Variants in TMEM135 observed in about 807,000 individuals in gnomAD.
TMEM135 encodes peroxisomal membrane protein 52.
Under a neutral mutation model 60.3 loss-of-function variants are expected in TMEM135, and 30 were observed. The ratio of observed to expected loss-of-function variants is 0.50; its 90% CI spans 0.37 to 0.68. The LOEUF is 0.68. TMEM135 is among the 30% of genes least tolerant of loss of function. TMEM135 has a pLI of 0.00. For missense variants in TMEM135, 468 were observed against 548.8 expected (o/e 0.85, Z 1.47); for synonymous variants, 190 against 186.7 (o/e 1.02, Z -0.14).
intron 13 of TMEM135, 89 bp from the exon 14 acceptor site, chr11:87,319,221 C>A: frequency 8.9e-7 from 1 of 1,123,502 alleles, no homozygotes; most frequent in East Asian, 2.4e-5. Context: ...TGATAGTTAC[C>A]AACTTAAACA....
At chr11:87,267,793 AGTGATT>A (rs1941779598) in intron 6 of TMEM135, among the ~76,000 whole-genome samples, 1 of 152,076 alleles carries the variant, frequency 6.6e-6, no homozygotes, top group Non-Finnish European at 1.5e-5. Flanking sequence ...CCCGGGTTCA[AGTGATT>A]CTCCTGCCTC....
intron 4 of TMEM135, among the ~76,000 whole-genome samples, chr11:87,118,471 C>T (rs11234971): frequency 0.058 from 8,776 of 150,620 alleles, 347 homozygotes; most frequent in Middle Eastern, 0.097. Context: ...TTTTTTGAGA[C>T]GGTGTGTCAC....
chr11:87,314,409 A>G lies in TMEM135; in HGVS notation c.1001-62A>G. 1.0e-5 allele frequency: 14 copies of G among 1,385,380 alleles called. No homozygotes were observed. In the South Asian group the frequency reaches 1.7e-4, roughly 17 times the overall value. 85.8% of individuals were successfully genotyped at this position (1,385,380 alleles called of 1,614,324 possible). On this transcript the variant is annotated intron_variant, in intron 11 of 14. Coordinates refer to ENST00000305494, the MANE Select transcript of TMEM135 (RefSeq NM_022918.4). ...CTATGTAAGTGAATTAACATTTCTG[A>G]TGACATAATAACAAATAAATACTCT...
chr11:87,311,107 CTATA>C (rs10572803), intron 10 of TMEM135, among the ~76,000 whole-genome samples: 2,077 of 148,484 alleles, frequency 0.014, 57 homozygotes, highest in African/African-American at 0.049. Context: ...ATATATATGT[CTATA>C]TATATATATA....
At chr11:87,247,581 C>T (rs113795750) in intron 6 of TMEM135, among the ~76,000 whole-genome samples, 3 of 152,314 alleles carry the variant, frequency 2.0e-5, no homozygotes, top group African/African-American at 7.2e-5. Context: ...CCCCCAGCCT[C>T]GCTGCCACCT....
intron 6 of TMEM135, chr11:87,277,516 GT>G (rs1202369473): frequency 1.5e-5 from 2 of 137,146 alleles, no homozygotes; most frequent in African/African-American, 5.2e-5. Flanking sequence ...AAACAACTCT[GT>G]TTTTGTTTTT....
At chr11:87,293,404 C>G (rs74521610) in intron 6 of TMEM135, among the ~76,000 whole-genome samples, 1 of 122,810 alleles carries the variant, frequency 8.1e-6, no homozygotes, top group Non-Finnish European at 1.9e-5. Context: ...AAAAAAACAA[C>G]AAAAAACGAG....
chr11:87,062,838 A>G (rs1423706173), intron 1 of TMEM135, among the ~76,000 whole-genome samples: 1 of 152,170 alleles, frequency 6.6e-6, no homozygotes, highest in Non-Finnish European at 1.5e-5. Context: ...TAACCTCTTT[A>G]TTTAGTAAAT....
chr11:87,180,628 C>T (rs1939491583), intron 5 of TMEM135, among the ~76,000 whole-genome samples: 2 of 152,050 alleles, frequency 1.3e-5, no homozygotes, highest in South Asian at 4.1e-4. Flanking sequence ...CATTGTAGAC[C>T]ACCATCTTTG....
chr11:87,068,186 A>G (rs1220543696), intron 2 of TMEM135, among the ~76,000 whole-genome samples: 1 of 152,228 alleles, frequency 6.6e-6, no homozygotes, highest in Non-Finnish European at 1.5e-5. Context: ...ACATGCAGTG[A>G]ACAAACTTCA....
intron 4 of TMEM135, among the ~76,000 whole-genome samples, chr11:87,151,747 A>G (rs1239967341): frequency 2.0e-5 from 3 of 151,994 alleles, no homozygotes; most frequent in African/African-American, 7.2e-5. Context: ...TATCACGAGA[A>G]TGGGAAAGTG....
At chr11:87,252,737 C>G (rs541991054) in intron 6 of TMEM135, among the ~76,000 whole-genome samples, 7 of 149,648 alleles carry the variant, frequency 4.7e-5, no homozygotes, top group Non-Finnish European at 1.0e-4. Flanking sequence ...CACCATTGCA[C>G]TCCAGCCTGG....
chr11:87,167,680 C>T (rs1474911199), intron 5 of TMEM135, among the ~76,000 whole-genome samples: 1 of 152,066 alleles, frequency 6.6e-6, no homozygotes, highest in Admixed American at 6.6e-5. Context: ...GGTGGATAAG[C>T]TTTTTGATGT....
At chr11:87,218,713 G>A (rs1940554965) in intron 5 of TMEM135, among the ~76,000 whole-genome samples, 1 of 152,124 alleles carries the variant, frequency 6.6e-6, no homozygotes, top group South Asian at 2.1e-4. Flanking sequence ...TGTAATCCCA[G>A]CACTTTAGAA....
intron 4 of TMEM135, among the ~76,000 whole-genome samples, chr11:87,140,029 A>C (rs954879981): frequency 6.6e-6 from 1 of 151,886 alleles, no homozygotes. Flanking sequence ...ATATATTTGC[A>C]GATATTTTTT....
At position 87,323,730 on chromosome 11, in the gene TMEM135, A is replaced by G. The variant is rs1230826155; in HGVS notation, c.*2397A>G. ...TAATAAAATCCTAGAACTAGTAGCA[A>G]CCGAGTAAAGATTGAGTTTGCAAGA... On this transcript the variant is annotated 3_prime_UTR_variant, in exon 15 of 15. Transcript: ENST00000305494. The G allele has an allele frequency of 4.4e-6, 2 of 453,676 alleles. No individual in the cohort carries two copies. The highest frequency in any genetic ancestry group is 4.4e-6 in the Non-Finnish European group (1 of 226,718). The allele number at this position is 453,676 out of a possible 1,614,324, so 28.1% of individuals were successfully genotyped here. A position where few individuals can be genotyped will look rare whatever the true frequency, so the allele number is the denominator to read the frequency against.
chr11:87,204,414 G>A (rs767874812), intron 5 of TMEM135, among the ~76,000 whole-genome samples: 1 of 151,986 alleles, frequency 6.6e-6, no homozygotes, highest in South Asian at 2.1e-4. Context: ...CAATACAGTT[G>A]ACCTTTGAAC....
intron 4 of TMEM135, among the ~76,000 whole-genome samples, chr11:87,104,884 T>G (rs1857554262): frequency 6.6e-6 from 1 of 152,194 alleles, no homozygotes; most frequent in African/African-American, 2.4e-5. Context: ...TTTTACTTCT[T>G]TCTTTCCTAC....
intron 1 of TMEM135, among the ~76,000 whole-genome samples, chr11:87,043,397 G>A (rs2135104973): frequency 6.6e-6 from 1 of 152,072 alleles, no homozygotes; most frequent in African/African-American, 2.4e-5. Context: ...CTAAATAGGT[G>A]GTACCCCTTG....
Sources: allele counts gnomAD v4.1 joint callset (sites outside exome capture counted in the v4.1 genomes callset), GRCh38; gene constraint gnomAD v4.1.1; transcripts MANE v1.5; gene names NCBI Gene and HGNC (gene_info 2026-07-23, HGNC 2026-07-21).